WWOX: variants seen among roughly 807,000 people sequenced by gnomAD.
WWOX encodes WW domain-containing oxidoreductase.
Under a neutral mutation model 46.2 loss-of-function variants are expected in WWOX, and 69 were observed. The ratio of observed to expected loss-of-function variants is 1.49; its 90% CI spans 1.23 to 1.82. WWOX has a LOEUF of 1.82. Ranked by LOEUF, WWOX falls within the 40% of genes most tolerant of loss-of-function variation. The probability of loss-of-function intolerance (pLI) is 0.00; values close to 1 mark genes in which losing one functional copy is unlikely to be tolerated. For synonymous variants in WWOX, 359 were observed against 202.6 expected (o/e 1.77, Z -6.56); for missense variants, 919 against 542.6 (o/e 1.69, Z -6.89).
chr16:78,605,692 C>T (rs1321599430), intron 8 of WWOX, among the ~76,000 whole-genome samples: 1 of 152,170 alleles, frequency 6.6e-6, no homozygotes, highest in Admixed American at 6.5e-5. Context: ...AGGCATAGTT[C>T]TTTGTCATAT....
chr16:78,248,695 C>T (rs1046107940), intron 5 of WWOX, among the ~76,000 whole-genome samples: 1 of 151,982 alleles, frequency 6.6e-6, no homozygotes, highest in Non-Finnish European at 1.5e-5. Flanking sequence ...GAGATCGCAC[C>T]ACTGTACTCC....
chr16:78,837,614 G>A (rs183514431), intron 8 of WWOX, among the ~76,000 whole-genome samples: 4 of 152,168 alleles, frequency 2.6e-5, no homozygotes, highest in East Asian at 1.9e-4. Flanking sequence ...AGGCGTCTGC[G>A]TGGTTCTTAC....
intron 8 of WWOX, among the ~76,000 whole-genome samples, chr16:78,884,337 T>C (rs902609382): frequency 4.1e-5 from 6 of 146,260 alleles, no homozygotes; most frequent in African/African-American, 1.5e-4. Context: ...AATGTGCTCA[T>C]ACATTTGCCA....
chr16:78,819,271 G>A (rs1048501596), intron 8 of WWOX, among the ~76,000 whole-genome samples: 4 of 152,156 alleles, frequency 2.6e-5, no homozygotes, highest in African/African-American at 9.7e-5. Flanking sequence ...ACTTGATTCT[G>A]GAGGCAAGAC....
At chr16:78,715,968 C>G (rs1294623129) in intron 8 of WWOX, among the ~76,000 whole-genome samples, 1 of 151,922 alleles carries the variant, frequency 6.6e-6, no homozygotes. Flanking sequence ...ATGTCCACCA[C>G]CAGAGGTATT....
chr16:78,497,742 C>T (rs2084950951), intron 8 of WWOX, among the ~76,000 whole-genome samples: 1 of 152,082 alleles, frequency 6.6e-6, no homozygotes, highest in African/African-American at 2.4e-5. Context: ...CAGGACATTA[C>T]AGGGACAGTG....
chr16:78,404,451 C>T (rs894374710), intron 6 of WWOX, among the ~76,000 whole-genome samples: 1 of 152,068 alleles, frequency 6.6e-6, no homozygotes, highest in Non-Finnish European at 1.5e-5. Flanking sequence ...ACAGAAAGAA[C>T]CAATTCCCTC....
chr16:79,000,481 G>T (rs2047071855), intron 8 of WWOX, among the ~76,000 whole-genome samples: 1 of 152,130 alleles, frequency 6.6e-6, no homozygotes, highest in African/African-American at 2.4e-5. Context: ...AAGAGAGGCA[G>T]ATGGGTCATA....
intron 5 of WWOX, among the ~76,000 whole-genome samples, chr16:78,232,284 T>A (rs778236305): frequency 2.6e-5 from 4 of 152,220 alleles, no homozygotes; most frequent in Non-Finnish European, 4.4e-5. Context: ...TTCGTTCAAT[T>A]ACAGCAGTAA....
chr16:78,831,468 G>C (rs1252516204), intron 8 of WWOX, among the ~76,000 whole-genome samples: 1 of 152,184 alleles, frequency 6.6e-6, no homozygotes, highest in Non-Finnish European at 1.5e-5. Flanking sequence ...GAGATGCAGT[G>C]AGTTTATCCT....
chr16:78,353,915 G>T (rs564031951), intron 5 of WWOX, among the ~76,000 whole-genome samples: 1 of 152,322 alleles, frequency 6.6e-6, no homozygotes, highest in South Asian at 2.1e-4. Context: ...GGCTTCTTCT[G>T]TTCTCTTTAT....
intron 5 of WWOX, among the ~76,000 whole-genome samples, chr16:78,312,320 C>G (rs1048785008): frequency 1.3e-5 from 2 of 150,966 alleles, no homozygotes; most frequent in Non-Finnish European, 1.5e-5. Flanking sequence ...CCGTTGAAAA[C>G]TTCAAGTAAG....
intron 4 of WWOX, among the ~76,000 whole-genome samples, chr16:78,133,194 C>G (rs1211272952): frequency 2.0e-5 from 3 of 152,120 alleles, no homozygotes; most frequent in African/African-American, 7.2e-5. Flanking sequence ...TCAAAGGATG[C>G]TTTTTAAAAA....
intron 8 of WWOX, among the ~76,000 whole-genome samples, chr16:78,771,173 G>C (rs917669325): frequency 3.3e-5 from 5 of 152,152 alleles, no homozygotes; most frequent in African/African-American, 9.7e-5. Flanking sequence ...AGATCCATTT[G>C]GATAGTCTTG....
intron 8 of WWOX, among the ~76,000 whole-genome samples, chr16:78,506,314 A>G (rs2085202894): frequency 6.6e-6 from 1 of 152,178 alleles, no homozygotes; most frequent in Non-Finnish European, 1.5e-5. Context: ...TTCGGAAACG[A>G]ATCTGGTCAG....
chr16:78,479,422 C>G (rs1243902063), intron 8 of WWOX, among the ~76,000 whole-genome samples: 1 of 152,164 alleles, frequency 6.6e-6, no homozygotes, highest in East Asian at 1.9e-4. Flanking sequence ...TGTTTTAAAG[C>G]TTTTTATTTA....
intron 8 of WWOX, among the ~76,000 whole-genome samples, chr16:78,490,620 C>T (rs554785051): frequency 6.6e-5 from 10 of 152,298 alleles, no homozygotes; most frequent in South Asian, 4.1e-4. Context: ...ATGAAACAAA[C>T]GATCCTCTGA....
chr16:78,767,783 G>T (rs531514806), intron 8 of WWOX, among the ~76,000 whole-genome samples: 1 of 152,210 alleles, frequency 6.6e-6, no homozygotes, highest in Non-Finnish European at 1.5e-5. Context: ...CCTCCCTGCA[G>T]TGTTGATTCC....
In WWOX at chr16:78,472,809, C is replaced by CAAA. The variant is rs756666392; in HGVS notation, c.1056+40082_1056+40084dup. Among the ~76,000 whole-genome samples the CAAA allele has an allele frequency of 5.5e-4, 28 of 50,862 alleles. 1 individual carries two copies. Among genetic ancestry groups the CAAA allele is most frequent in the Non-Finnish European group, 8.0e-4 (14 of 17,464 alleles). The allele number at this position is 50,862 out of a possible 152,430, so 33.4% of individuals were successfully genotyped here. ...GGGCGACAAGAGTGAAACTCCATCT[C>CAAA]AAAAAAAAAAAAAAAAAAAAAAAAA... On this transcript the variant is annotated intron_variant, in intron 8 of 8. Transcript: ENST00000566780.
Sources: gnomAD v4.1 joint callset for allele counts (sites outside exome capture counted in the v4.1 genomes callset) on GRCh38, gnomAD v4.1.1 for gene constraint, MANE v1.5 for transcripts, NCBI Gene and HGNC (gene_info 2026-07-23, HGNC 2026-07-21) for gene names.